The following NBAS variants were observed in gnomAD, a reference collection of about 807,000 sequenced individuals.
NBAS encodes the protein NBAS subunit of NRZ tethering complex.
NBAS carries 219 observed loss-of-function variants against 302.5 expected under a neutral mutation model. That is an observed-to-expected ratio of 0.72 (90% CI 0.65 to 0.81). The LOEUF is 0.81. Ranked by LOEUF, NBAS falls within the 30% of genes least tolerant of loss-of-function variation. The pLI, the probability that NBAS is intolerant of heterozygous loss-of-function variation, is 0.00. For synonymous variants in NBAS, 1,118 were observed against 1,021.6 expected (o/e 1.09, Z -1.80); for missense variants, 2,932 against 2,841.6 (o/e 1.03, Z -0.72).
intron 38 of NBAS, among the ~76,000 whole-genome samples, chr2:15,314,259 C>T (rs779598201): frequency 3.3e-5 from 5 of 151,986 alleles, no homozygotes; most frequent in South Asian, 2.1e-4. Flanking sequence ...AGGAGGCTGA[C>T]GCATGAGAAT....
intron 7 of NBAS, among the ~76,000 whole-genome samples, chr2:15,538,100 T>C (rs541083756): frequency 6.6e-6 from 1 of 152,324 alleles, no homozygotes; most frequent in East Asian, 1.9e-4. Context: ...TGAAATAATA[T>C]TTTGGATATA....
chr2:15,374,009 C>A (rs75220008), intron 31 of NBAS, among the ~76,000 whole-genome samples: 1 of 152,136 alleles, frequency 6.6e-6, no homozygotes, highest in Admixed American at 6.5e-5. Flanking sequence ...GTCCTCACAG[C>A]ATAAATAGAT....
At chr2:15,050,750 C>T in the NBAS span, among the ~76,000 whole-genome samples, 1 of 152,276 alleles carries the variant, frequency 6.6e-6, no homozygotes, top group Admixed American at 6.5e-5. Context: ...GCCTGGAACC[C>T]GGGTTCCATC....
At chr2:15,150,366 T>A in the NBAS span, among the ~76,000 whole-genome samples, 1 of 152,158 alleles carries the variant, frequency 6.6e-6, no homozygotes, top group East Asian at 1.9e-4. Context: ...TTTGGTAGAT[T>A]TTCATGCTAA....
At chr2:15,453,960 G>C (rs1679135820) in intron 21 of NBAS, among the ~76,000 whole-genome samples, 1 of 151,930 alleles carries the variant, frequency 6.6e-6, no homozygotes. Flanking sequence ...TGTATTTTTA[G>C]TAGAGACAGG....
chr2:14,931,942 C>T, the NBAS span, among the ~76,000 whole-genome samples: 168 of 152,266 alleles, frequency 1.1e-3, no homozygotes, highest in African/African-American at 3.7e-3. Context: ...AGGTTTTTAA[C>T]TTTTTTTCTG....
chr2:15,471,391 T>C (rs1679951459), intron 16 of NBAS, among the ~76,000 whole-genome samples: 1 of 152,218 alleles, frequency 6.6e-6, no homozygotes, highest in Admixed American at 6.5e-5. Flanking sequence ...TCTTCTTCCA[T>C]ACAACTTTTT....
intron 48 of NBAS, among the ~76,000 whole-genome samples, chr2:15,201,051 T>A (rs886963751): frequency 6.6e-6 from 1 of 152,222 alleles, no homozygotes; most frequent in Non-Finnish European, 1.5e-5. Flanking sequence ...GTAACCACCA[T>A]ATTCTTTTTA....
chr2:14,909,103 C>G, the NBAS span, among the ~76,000 whole-genome samples: 5 of 151,972 alleles, frequency 3.3e-5, no homozygotes, highest in South Asian at 2.1e-4. Flanking sequence ...GAGGCCGAGG[C>G]GGGCGGATCA....
intron 48 of NBAS, among the ~76,000 whole-genome samples, chr2:15,203,400 C>T (rs553206296): frequency 6.6e-6 from 1 of 152,066 alleles, no homozygotes; most frequent in African/African-American, 2.4e-5. Context: ...CATGGAAGGC[C>T]CTCAAAACAT....
the NBAS span, among the ~76,000 whole-genome samples, chr2:14,949,352 G>T: frequency 2.0e-5 from 3 of 152,046 alleles, no homozygotes; most frequent in African/African-American, 7.2e-5. Context: ...ATAAGTGATT[G>T]ATAACCAGAA....
At chr2:15,470,114 A>T (rs1679896448) in intron 16 of NBAS, among the ~76,000 whole-genome samples, 1 of 152,180 alleles carries the variant, frequency 6.6e-6, no homozygotes, top group South Asian at 2.1e-4. Context: ...ATTGCCTCAC[A>T]TCAGTTCTTT....
the NBAS span, among the ~76,000 whole-genome samples, chr2:14,875,069 G>A: frequency 6.6e-6 from 1 of 152,030 alleles, no homozygotes; most frequent in South Asian, 2.1e-4. Flanking sequence ...AATGGTAATA[G>A]ATAATACAGA....
chr2:14,942,271 G>T, the NBAS span, among the ~76,000 whole-genome samples: 1 of 152,174 alleles, frequency 6.6e-6, no homozygotes, highest in Non-Finnish European at 1.5e-5. Context: ...GTGTCAAATA[G>T]TAATTCCCAA....
intron 38 of NBAS, among the ~76,000 whole-genome samples, chr2:15,323,888 G>T (rs1204067058): frequency 7.2e-6 from 1 of 138,882 alleles, no homozygotes; most frequent in Non-Finnish European, 1.5e-5. Context: ...AAAAAAACCC[G>T]GGCCCAACTC....
At chr2:15,417,898 C>G (rs1482909007) in intron 23 of NBAS, among the ~76,000 whole-genome samples, 186 bp from the exon 24 acceptor site, 2 of 152,182 alleles carry the variant, frequency 1.3e-5, no homozygotes, top group African/African-American at 2.4e-5. Context: ...CAGCATCAAA[C>G]TGTTTCAAAG....
intron 16 of NBAS, 42 bp downstream of exon 16, chr2:15,473,180 T>A (rs368144940): frequency 1.2e-6 from 2 of 1,604,192 alleles, no homozygotes; most frequent in Non-Finnish European, 1.7e-6. Flanking sequence ...AGATATTACA[T>A]GAATATACAT....
At chr2:14,886,646 T>A in the NBAS span, 6 of 152,196 alleles carry the variant, frequency 3.9e-5, no homozygotes, top group African/African-American at 1.2e-4. Context: ...TAGTTTCAGG[T>A]CACCTCTATC....
chr2:14,939,291 T>C, the NBAS span, among the ~76,000 whole-genome samples: 2 of 152,270 alleles, frequency 1.3e-5, no homozygotes, highest in African/African-American at 2.4e-5. Context: ...TCCATTCAGT[T>C]ACTACAGCTC....
Sources: allele counts gnomAD v4.1 joint callset (sites outside exome capture counted in the v4.1 genomes callset), GRCh38; gene constraint gnomAD v4.1.1; transcripts MANE v1.5; gene names NCBI Gene and HGNC (gene_info 2026-07-23, HGNC 2026-07-21).